SGCZ: variants seen among roughly 807,000 people sequenced by gnomAD.
SGCZ encodes zeta-sarcoglycan.
In SGCZ, 40 loss-of-function variants were observed where a neutral mutation model predicts 41.3. The observed-to-expected ratio is 0.97, with a 90% CI of 0.75 to 1.26. The LOEUF is 1.26. SGCZ is among the 50% of genes most tolerant of loss of function. The pLI is 0.00. For synonymous variants in SGCZ, 206 were observed against 137.5 expected (o/e 1.50, Z -3.49); for missense variants, 552 against 369.8 (o/e 1.49, Z -4.04).
At chr8:14,309,600 G>C (rs571981069) in intron 3 of SGCZ, 1 of 1,610,898 alleles carries the variant, frequency 6.2e-7, no homozygotes, top group Non-Finnish European at 8.5e-7. Context: ...TCCAAAGATA[G>C]TGACTGGTTA....
At chr8:14,239,476 A>G (rs572221464) in intron 3 of SGCZ, among the ~76,000 whole-genome samples, 2 of 152,292 alleles carry the variant, frequency 1.3e-5, no homozygotes, top group South Asian at 4.1e-4. Context: ...TATAGCATAC[A>G]TGAGTTTGGT....
chr8:14,567,357 C>T (rs1804403310), intron 1 of SGCZ, among the ~76,000 whole-genome samples: 2 of 152,140 alleles, frequency 1.3e-5, no homozygotes, highest in African/African-American at 4.8e-5. Context: ...TGTGAATGCA[C>T]CAATCGGCAC....
intron 1 of SGCZ, among the ~76,000 whole-genome samples, chr8:15,063,924 T>A (rs1174580723): frequency 1.3e-5 from 2 of 152,186 alleles, no homozygotes; most frequent in Admixed American, 6.5e-5. Context: ...AGTCAAGGTT[T>A]GTATTTCTCT....
intron 1 of SGCZ, among the ~76,000 whole-genome samples, chr8:14,665,363 T>G (rs918089806): frequency 2.0e-5 from 3 of 152,182 alleles, no homozygotes; most frequent in Non-Finnish European, 4.4e-5. Context: ...TATGGCTGCA[T>G]AGTATTCCAT....
intron 2 of SGCZ, among the ~76,000 whole-genome samples, chr8:14,359,944 T>G (rs1040011793): frequency 1.3e-5 from 2 of 152,164 alleles, no homozygotes; most frequent in African/African-American, 2.4e-5. Flanking sequence ...ATCTCACGGA[T>G]GTAAGCATGG....
chr8:14,397,572 A>T (rs1333792914), intron 2 of SGCZ, among the ~76,000 whole-genome samples: 1 of 152,168 alleles, frequency 6.6e-6, no homozygotes, highest in Non-Finnish European at 1.5e-5. Context: ...CATATAATAC[A>T]TGGTAAAGCA....
chr8:14,439,464 A>T (rs1800185526), intron 2 of SGCZ, among the ~76,000 whole-genome samples: 1 of 151,764 alleles, frequency 6.6e-6, no homozygotes, highest in Non-Finnish European at 1.5e-5. Flanking sequence ...TGCCAAAATC[A>T]GACCAAGACA....
intron 1 of SGCZ, among the ~76,000 whole-genome samples, chr8:14,740,513 G>C (rs1799170749): frequency 6.6e-6 from 1 of 151,986 alleles, no homozygotes; most frequent in African/African-American, 2.4e-5. Context: ...TGGTAAGTTG[G>C]CAAAATAACG....
Position 14,509,037 on chromosome 8 carries a change from A to T in SGCZ, c.234+45695T>A, listed in dbSNP as rs80174829. ...TAATATCGAACTTTCAAACACTCTG[A>T]AACATTTGTTCACTCTCATTAGATC... On this transcript the variant is annotated intron_variant, in intron 2 of 7. Coordinates refer to ENST00000382080, the MANE Select transcript of SGCZ (RefSeq NM_139167.4). Among the ~76,000 whole-genome samples the T allele has an allele frequency of 9.2e-3, 1,400 of 152,304 alleles. 28 individuals are homozygous for T. The highest frequency in any genetic ancestry group is 0.065 in the East Asian group (339 of 5,178).
chr8:14,984,789 GTATATT>G (rs1422074596), intron 1 of SGCZ, among the ~76,000 whole-genome samples: 1 of 152,046 alleles, frequency 6.6e-6, no homozygotes, highest in African/African-American at 2.4e-5. Flanking sequence ...CTTTGGCAGG[GTATATT>G]TATATTTTTA....
intron 1 of SGCZ, among the ~76,000 whole-genome samples, chr8:14,576,137 G>A (rs1462836638): frequency 2.0e-5 from 3 of 152,146 alleles, no homozygotes; most frequent in African/African-American, 4.8e-5. Flanking sequence ...CTGTTAACTT[G>A]TATGTGAGAT....
At chr8:14,444,439 C>G (rs1317750393) in intron 2 of SGCZ, among the ~76,000 whole-genome samples, 1 of 151,880 alleles carries the variant, frequency 6.6e-6, no homozygotes, top group Non-Finnish European at 1.5e-5. Flanking sequence ...TAGACTGGAT[C>G]AAGAAAATGT....
At chr8:15,078,001 T>A (rs1284225767) in intron 1 of SGCZ, among the ~76,000 whole-genome samples, 1 of 4,524 alleles carries the variant, frequency 2.2e-4, no homozygotes, top group Non-Finnish European at 3.7e-4. Context: ...ATACCCACAC[T>A]GGACTGGAGG....
At chr8:14,215,630 A>C (rs1261673815) in intron 4 of SGCZ, among the ~76,000 whole-genome samples, 1 of 152,168 alleles carries the variant, frequency 6.6e-6, no homozygotes, top group African/African-American at 2.4e-5. Flanking sequence ...GAAGGCACAA[A>C]ATCACCAATA....
At chr8:14,867,561 T>C (rs2130694955) in intron 1 of SGCZ, among the ~76,000 whole-genome samples, 1 of 152,240 alleles carries the variant, frequency 6.6e-6, no homozygotes, top group Middle Eastern at 3.4e-3. Flanking sequence ...TAATTTACAC[T>C]CCCACCAAGT....
intron 2 of SGCZ, among the ~76,000 whole-genome samples, chr8:14,396,833 G>A (rs1798933451): frequency 6.6e-6 from 1 of 151,650 alleles, no homozygotes; most frequent in African/African-American, 2.4e-5. Flanking sequence ...CAACCCTAAG[G>A]CACATCTCTA....
intron 1 of SGCZ, among the ~76,000 whole-genome samples, chr8:14,604,469 A>C (rs549719505): frequency 3.8e-4 from 58 of 152,160 alleles, no homozygotes; most frequent in Non-Finnish European, 6.6e-4. Context: ...ATTCATTTTA[A>C]TTATTGAGAC....
intron 4 of SGCZ, among the ~76,000 whole-genome samples, chr8:14,194,814 T>C (rs1029842514): frequency 1.3e-5 from 2 of 151,920 alleles, no homozygotes; most frequent in African/African-American, 4.8e-5. Context: ...TAGTGCCTAC[T>C]AGATTTGAAC....
chr8:14,939,243 T>C (rs1800185120), intron 1 of SGCZ, among the ~76,000 whole-genome samples: 2 of 152,180 alleles, frequency 1.3e-5, no homozygotes, highest in Admixed American at 1.3e-4. Context: ...AGATCTAGGG[T>C]ACCTTTGTCA....
Sources: allele counts gnomAD v4.1 joint callset (sites outside exome capture counted in the v4.1 genomes callset), GRCh38; gene constraint gnomAD v4.1.1; transcripts MANE v1.5; gene names NCBI Gene and HGNC (gene_info 2026-07-23, HGNC 2026-07-21).